The following TNFAIP8L1 variants were observed in gnomAD, a reference collection of about 807,000 sequenced individuals.
The protein encoded by TNFAIP8L1 is TNF alpha induced protein 8 like 1.
For synonymous variants in TNFAIP8L1, 127 were observed against 125.6 expected, an observed-to-expected ratio of 1.01 and a Z score of -0.08; for missense variants, 225 against 266.1, an observed-to-expected ratio of 0.85 and a Z score of 1.08.
chr19:4,651,583 C>T (rs1342058984), intron 1 of TNFAIP8L1, among the ~76,000 whole-genome samples: 1 of 151,662 alleles, frequency 6.6e-6, no homozygotes, highest in Non-Finnish European at 1.5e-5. Flanking sequence ...ATTGCGGGCA[C>T]CCATCACCAA....
At chr19:4,650,163 G>A (rs1013838043) in intron 1 of TNFAIP8L1, among the ~76,000 whole-genome samples, 1 of 152,216 alleles carries the variant, frequency 6.6e-6, no homozygotes, top group Non-Finnish European at 1.5e-5. Context: ...CCTGGGGTGA[G>A]GCAGACCAGT....
Position 4,648,894 on chromosome 19 carries a change from G to A in TNFAIP8L1, c.-3-2973G>A, listed in dbSNP as rs1034732528. Among the ~76,000 whole-genome samples, 25 of 151,716 alleles carry A rather than the reference G, an allele frequency of 1.6e-4. 1 individual carries two copies. The highest frequency in any genetic ancestry group is 5.3e-4 in the African/African-American group (22 of 41,394). On this transcript the variant is annotated intron_variant, in intron 1 of 1. Coordinates refer to ENST00000327473, the MANE Select transcript of TNFAIP8L1 (RefSeq NM_152362.3). ...CTGGGGAGGCTGGACCCAGGGGTTC[G>A]GGAGTTTCCTCTTAGAATCTGCAAA...
intron 1 of TNFAIP8L1, chr19:4,642,518 A>G (rs906240747): frequency 2.0e-5 from 3 of 152,076 alleles, no homozygotes; most frequent in Non-Finnish European, 4.4e-5. Flanking sequence ...TACACATAAA[A>G]TAAATAAAAT....
In TNFAIP8L1 at chr19:4,641,300, G is replaced by A. The variant is rs2088259158; in HGVS notation, c.-4+1671G>A. On this transcript the variant is annotated intron_variant, in intron 1 of 1. Coordinates refer to ENST00000327473, the MANE Select transcript of TNFAIP8L1 (RefSeq NM_152362.3). The surrounding 1 kb of genome is among the most constrained non-coding windows in gnomAD (Gnocchi z 4.6). ...CAATGGGGCCACGAAAGGGTGCCTT[G>A]AGGACAAAACTCCAGCCGTTGACAG... The A allele has an allele frequency of 1.3e-5, 2 of 151,916 alleles. No individual in the cohort carries two copies. The highest frequency in any genetic ancestry group is 4.8e-5 in the African/African-American group (2 of 41,326). 9.4% of individuals were successfully genotyped at this position (151,916 alleles called of 1,614,324 possible).
At chr19:4,650,513 G>T (rs1423224825) in intron 1 of TNFAIP8L1, among the ~76,000 whole-genome samples, 5 of 152,062 alleles carry the variant, frequency 3.3e-5, no homozygotes, top group Non-Finnish European at 7.4e-5. Context: ...AAGGAGGTGG[G>T]TGGAGGGGGA....
intron 1 of TNFAIP8L1, chr19:4,640,086 A>G (rs2088245855): frequency 6.6e-6 from 1 of 152,258 alleles, no homozygotes; most frequent in Non-Finnish European, 1.5e-5. Context: ...ACTGGCCCCT[A>G]ATGAGCTCCC....
intron 1 of TNFAIP8L1, among the ~76,000 whole-genome samples, chr19:4,644,377 CAAA>C (rs527729094): frequency 8.2e-6 from 1 of 121,870 alleles, no homozygotes; most frequent in Non-Finnish European, 1.8e-5. Context: ...CCATGTCTAC[CAAA>C]AAAAAAAAAA....
intron 1 of TNFAIP8L1, among the ~76,000 whole-genome samples, chr19:4,646,815 A>T (rs1045215622): frequency 1.8e-4 from 27 of 152,166 alleles, no homozygotes; most frequent in African/African-American, 5.8e-4. Flanking sequence ...TATTTTTAGT[A>T]GAGACGGGGT....
Position 4,645,035 on chromosome 19 carries a change from T to C in TNFAIP8L1, c.-4+5406T>C, listed in dbSNP as rs970469235. 1.1e-4 allele frequency among the ~76,000 whole-genome samples: 16 copies of C among 152,264 alleles called. No individual in the cohort carries two copies. Among genetic ancestry groups the C allele is most frequent in the African/African-American group, 3.8e-4 (16 of 41,564 alleles). On this transcript the variant is annotated intron_variant, in intron 1 of 1. Coordinates refer to ENST00000327473, the MANE Select transcript of TNFAIP8L1 (RefSeq NM_152362.3). The surrounding 1 kb of genome is among the most constrained non-coding windows in gnomAD (Gnocchi z 4.1). ...CCCCCGGACTGAGTGCAGCCGGGGCTGAGACAAGACAGATGGAGCGGCTGG... is the reference window on the plus strand; with the variant it reads ...CCCCCGGACTGAGTGCAGCCGGGGCCGAGACAAGACAGATGGAGCGGCTGG...
At position 4,652,300 on chromosome 19, in the gene TNFAIP8L1, A is replaced by T. The variant is rs1223634517; in HGVS notation, c.431A>T (p.Asn144Ile). The change falls in exon 2 of 2, where the codon AAC (asparagine) becomes ATC (isoleucine). Residue 144 changes from asparagine to isoleucine, a missense_variant. Coordinates refer to ENST00000327473, the MANE Select transcript of TNFAIP8L1 (RefSeq NM_152362.3). Reference sequence around the variant, plus strand: ...ACCGCCAAGTCCCACGGCCGCATCAACCACGTGTTCGGCCACCTAGCCGAC... The same window carrying T: ...ACCGCCAAGTCCCACGGCCGCATCATCCACGTGTTCGGCCACCTAGCCGAC... ...HLTAKSHGRI[N>I]HVFGHLADCD... 1 of 1,564,476 alleles carries T rather than the reference A, an allele frequency of 6.4e-7. No homozygotes were observed. The highest frequency in any genetic ancestry group is 8.6e-7 in the Non-Finnish European group (1 of 1,157,500).
In TNFAIP8L1 at chr19:4,645,992, T is replaced by C. The variant is rs116474751; in HGVS notation, c.-3-5875T>C. 0.019 allele frequency among the ~76,000 whole-genome samples: 2,923 copies of C among 152,316 alleles called. 47 individuals carry two copies. The highest frequency in any genetic ancestry group is 0.075 in the Middle Eastern group (22 of 294). On this transcript the variant is annotated intron_variant, in intron 1 of 1. Coordinates refer to ENST00000327473, the MANE Select transcript of TNFAIP8L1 (RefSeq NM_152362.3). The surrounding 1 kb of genome is among the most constrained non-coding windows in gnomAD (Gnocchi z 4.1). Reference sequence around the variant, plus strand: ...GAGCATCTTCCCGCAGACCCTGTCATTGCAGGCCCAGTTCAACTGGCCCAG... The same window carrying C: ...GAGCATCTTCCCGCAGACCCTGTCACTGCAGGCCCAGTTCAACTGGCCCAG...
chr19:4,644,342 C>T (rs996809220), intron 1 of TNFAIP8L1, among the ~76,000 whole-genome samples: 1 of 150,298 alleles, frequency 6.7e-6, no homozygotes, highest in African/African-American at 2.5e-5. Context: ...GAGTTCGAGA[C>T]TAGCCTGGGC....
Position 4,644,347 on chromosome 19 carries a change from C to CT in TNFAIP8L1, c.-4+4719dup, listed in dbSNP as rs1458339445. On this transcript the variant is annotated intron_variant, in intron 1 of 1. Coordinates refer to ENST00000327473, the MANE Select transcript of TNFAIP8L1 (RefSeq NM_152362.3). ...TTGAGCCCAGGAGTTCGAGACTAGCCTGGGCAACATAGCAAGACGCCATGT... is the reference window on the plus strand; with the variant it reads ...TTGAGCCCAGGAGTTCGAGACTAGCCTTGGGCAACATAGCAAGACGCCATGT... Among the ~76,000 whole-genome samples, 6 of 150,774 alleles carry CT rather than the reference C, an allele frequency of 4.0e-5. No individual in the cohort carries two copies. In the East Asian group the frequency reaches 1.2e-3, roughly 29 times the overall value.
At position 4,653,467 on chromosome 19, in the gene TNFAIP8L1, T is replaced by C. The variant is rs1209252987; in HGVS notation, c.*1037T>C. ...CCTCGTCTCTACAAAAAAAAAATTA[T>C]CGTGGTGGGCCGGGCGTGGTGGCTC... On this transcript the variant is annotated 3_prime_UTR_variant, in exon 2 of 2. Transcript: ENST00000327473. The C allele has an allele frequency of 1.2e-5, 2 of 162,394 alleles. No homozygotes were observed. The highest frequency in any genetic ancestry group is 3.0e-5 in the Non-Finnish European group (2 of 66,976). The allele number at this position is 162,394 out of a possible 1,614,324, so 10.1% of individuals were successfully genotyped here. A position where few individuals can be genotyped will look rare whatever the true frequency, so the allele number is the denominator to read the frequency against.
In TNFAIP8L1 at chr19:4,654,606, T is replaced by C. The variant is rs1335005926; in HGVS notation, c.*2176T>C. 1 of 152,162 alleles carries C rather than the reference T, an allele frequency of 6.6e-6. No homozygotes were observed. The highest frequency in any genetic ancestry group is 6.6e-5 in the Admixed American group (1 of 15,264). 9.4% of individuals were successfully genotyped at this position (152,162 alleles called of 1,614,324 possible). A position where few individuals can be genotyped will look rare whatever the true frequency, so the allele number is the denominator to read the frequency against. On this transcript the variant is annotated 3_prime_UTR_variant, in exon 2 of 2. Transcript: ENST00000327473. ...ACCTACCTACCTCGGCCTCACAAAG[T>C]GTGCACATTGTAATATCGTGATTTC...
intron 1 of TNFAIP8L1, among the ~76,000 whole-genome samples, chr19:4,643,236 G>C (rs892159305): frequency 6.6e-6 from 1 of 151,120 alleles, no homozygotes; most frequent in Middle Eastern, 3.2e-3. Context: ...CCGAGATCAC[G>C]CCGCTGCACT....
chr19:4,650,705 G>C (rs906192905), intron 1 of TNFAIP8L1, among the ~76,000 whole-genome samples: 8 of 152,148 alleles, frequency 5.3e-5, no homozygotes, highest in Admixed American at 5.2e-4. Context: ...CCAAGTCAAT[G>C]TTTCCCTGTT....
chr19:4,644,601 A>G (rs1346602877), intron 1 of TNFAIP8L1, among the ~76,000 whole-genome samples: 1 of 137,722 alleles, frequency 7.3e-6, no homozygotes, highest in Non-Finnish European at 1.5e-5. Flanking sequence ...GTCCTGAGTC[A>G]TGGATTTTTT....
At position 4,641,802 on chromosome 19, in the gene TNFAIP8L1, T is replaced by C. The variant is rs368248903; in HGVS notation, c.-4+2173T>C. 1.2e-3 allele frequency: 186 copies of C among 152,328 alleles called. 1 individual carries two copies. In the East Asian group the frequency reaches 0.019, roughly 16 times the overall value. The allele number at this position is 152,328 out of a possible 1,614,324, so 9.4% of individuals were successfully genotyped here. A position where few individuals can be genotyped will look rare whatever the true frequency, so the allele number is the denominator to read the frequency against. On this transcript the variant is annotated intron_variant, in intron 1 of 1. Coordinates refer to ENST00000327473, the MANE Select transcript of TNFAIP8L1 (RefSeq NM_152362.3). The surrounding 1 kb of genome is among the most constrained non-coding windows in gnomAD (Gnocchi z 4.6). ...GGGTGGGCTCTGGGAGAGACGAGAC[T>C]TGAACCCCAAATGTGCCATTGACTA...
Sources: allele counts gnomAD v4.1 joint callset (sites outside exome capture counted in the v4.1 genomes callset), GRCh38; gene constraint gnomAD v4.1.1; non-coding constraint Gnocchi (gnomAD v3.1); transcripts MANE v1.5; gene names NCBI Gene and HGNC (gene_info 2026-07-23, HGNC 2026-07-21).